Variants in P2RY12 observed in about 807,000 individuals in gnomAD.
The protein encoded by P2RY12 is P2Y purinoceptor 12.
Under a neutral mutation model 4.5 loss-of-function variants are expected in P2RY12, and 3 were observed. The observed-to-expected ratio is 0.67, with a 90% CI of 0.31 to 1.74. P2RY12 has a LOEUF of 1.74. P2RY12 is among the 40% of genes most tolerant of loss of function. P2RY12 has a pLI of 0.09. For missense variants in P2RY12, 356 were observed against 407.8 expected (o/e 0.87, Z 1.09); for synonymous variants, 148 against 154.1 (o/e 0.96, Z 0.29).
chr3:151,374,588 C>G (rs1364845139), intron 1 of P2RY12, among the ~76,000 whole-genome samples: 2 of 152,064 alleles, frequency 1.3e-5, no homozygotes, highest in Non-Finnish European at 2.9e-5. Context: ...TACACACATA[C>G]CACTAGGAAG....
At chr3:151,376,191 C>G (rs144615606) in intron 1 of P2RY12, 13 of 1,593,630 alleles carry the variant, frequency 8.2e-6, no homozygotes, top group Non-Finnish European at 9.4e-6. Flanking sequence ...TCTGCAAAGA[C>G]AGCACATTAA....
At chr3:151,366,150 C>A (rs1175832729) in intron 1 of P2RY12, among the ~76,000 whole-genome samples, 1 of 151,890 alleles carries the variant, frequency 6.6e-6, no homozygotes, top group Non-Finnish European at 1.5e-5. Context: ...AATGACATTG[C>A]CAGGGATTAA....
In P2RY12 at chr3:151,361,709, G is replaced by T. The variant is rs911418486; in HGVS notation, c.-179-20949C>A. ...ATTACAAATTACTGTAAGTGTGAGAGACAATATTCTGTGCTTTGCTCTTGA... is the reference window on the plus strand; with the variant it reads ...ATTACAAATTACTGTAAGTGTGAGATACAATATTCTGTGCTTTGCTCTTGA... On this transcript the variant is annotated intron_variant, in intron 1 of 2. Coordinates refer to ENST00000302632, the MANE Select transcript of P2RY12 (RefSeq NM_022788.5). Among the ~76,000 whole-genome samples the T allele has an allele frequency of 2.6e-5, 4 of 152,110 alleles. No individual in the cohort carries two copies. In the East Asian group the frequency reaches 7.7e-4, roughly 29 times the overall value.
At chr3:151,369,673 C>A in intron 1 of P2RY12, 1 of 600,820 alleles carries the variant, frequency 1.7e-6, no homozygotes, top group Non-Finnish European at 2.8e-6. Context: ...GCTTATTCTC[C>A]TGGAAAAATT....
At chr3:151,369,740 G>C (rs1364343400) in intron 1 of P2RY12, among the ~76,000 whole-genome samples, 1 of 152,144 alleles carries the variant, frequency 6.6e-6, no homozygotes, top group South Asian at 2.1e-4. Flanking sequence ...CCCTTATCTA[G>C]TGTCTCTGGG....
intron 1 of P2RY12, among the ~76,000 whole-genome samples, chr3:151,347,828 T>G (rs1752716001): frequency 6.6e-6 from 1 of 152,200 alleles, no homozygotes. Context: ...ACCCCATTTT[T>G]CAGAGGAAGA....
chr3:151,348,809 G>A (rs919190657), intron 1 of P2RY12, among the ~76,000 whole-genome samples: 2 of 152,184 alleles, frequency 1.3e-5, no homozygotes, highest in African/African-American at 4.8e-5. Context: ...TTAGTTTAAC[G>A]CTACAGAAGC....
At chr3:151,349,591 A>AT (rs79411212) in intron 1 of P2RY12, among the ~76,000 whole-genome samples, 19,327 of 152,020 alleles carry the variant, frequency 0.13, 2,085 homozygotes, top group African/African-American at 0.29. Flanking sequence ...GTCCAGGAAT[A>AT]TTTTTTATAA....
intron 1 of P2RY12, chr3:151,383,981 C>T: frequency 6.7e-7 from 1 of 1,482,796 alleles, no homozygotes; most frequent in East Asian, 2.4e-5. Context: ...ATCTTATTTA[C>T]TTGGATGCTA....
intron 1 of P2RY12, among the ~76,000 whole-genome samples, chr3:151,346,451 C>T (rs1170285334): frequency 6.6e-6 from 1 of 152,154 alleles, no homozygotes; most frequent in East Asian, 1.9e-4. Context: ...TTCATCATCA[C>T]CTCTTACTTT....
chr3:151,384,329 T>A, intron 1 of P2RY12: 1 of 1,118,848 alleles, frequency 8.9e-7, no homozygotes, highest in Non-Finnish European at 1.2e-6. Flanking sequence ...CAACTTAATT[T>A]AATGTGATTA....
At chr3:151,364,172 T>C (rs1560079723) in intron 1 of P2RY12, among the ~76,000 whole-genome samples, 1 of 152,180 alleles carries the variant, frequency 6.6e-6, no homozygotes, top group South Asian at 2.1e-4. Context: ...TAAGTTTATA[T>C]AGAATCTGAG....
At chr3:151,355,732 T>A (rs182557169) in intron 1 of P2RY12, among the ~76,000 whole-genome samples, 15 of 152,244 alleles carry the variant, frequency 9.9e-5, no homozygotes, top group Admixed American at 5.2e-4. Context: ...AAGAAATCAT[T>A]TTCTTTGTAC....
chr3:151,383,881 A>G, intron 1 of P2RY12: 2 of 1,612,188 alleles, frequency 1.2e-6, no homozygotes, highest in South Asian at 2.2e-5. Context: ...TGACATGCAC[A>G]CTAACAAGTA....
At chr3:151,353,846 A>C (rs1753552201) in intron 1 of P2RY12, among the ~76,000 whole-genome samples, 1 of 152,210 alleles carries the variant, frequency 6.6e-6, no homozygotes, top group African/African-American at 2.4e-5. Context: ...TTAACTACTT[A>C]GAATCACAGT....
chr3:151,351,301 A>G (rs1185013930), intron 1 of P2RY12, among the ~76,000 whole-genome samples: 1 of 152,214 alleles, frequency 6.6e-6, no homozygotes, highest in Non-Finnish European at 1.5e-5. Context: ...GTGTGTTTCT[A>G]TCTGCATATG....
chr3:151,340,185 C>T (rs1560049228), intron 2 of P2RY12, among the ~76,000 whole-genome samples: 1 of 152,110 alleles, frequency 6.6e-6, no homozygotes, highest in South Asian at 2.1e-4. Flanking sequence ...TTTAACCTTT[C>T]CTGCTACTGC....
At chr3:151,375,828 T>C (rs1213204700) in intron 1 of P2RY12, among the ~76,000 whole-genome samples, 1 of 152,202 alleles carries the variant, frequency 6.6e-6, no homozygotes, top group Non-Finnish European at 1.5e-5. Context: ...AAGCAAGTTC[T>C]ACTTTGTATT....
At chr3:151,360,399 C>T (rs529718732) in intron 1 of P2RY12, 1 of 1,369,606 alleles carries the variant, frequency 7.3e-7, no homozygotes, top group African/African-American at 1.4e-5. Flanking sequence ...TACATATTTT[C>T]ATTCTAAAAG....
Sources: gnomAD v4.1 joint callset for allele counts (sites outside exome capture counted in the v4.1 genomes callset) on GRCh38, gnomAD v4.1.1 for gene constraint, MANE v1.5 for transcripts, NCBI Gene and HGNC (gene_info 2026-07-23, HGNC 2026-07-21) for gene names.